Variants in HAUS7 observed in about 807,000 individuals in gnomAD.
HAUS7 encodes HAUS augmin like complex subunit 7.
HAUS7 carries 3 observed loss-of-function variants against 28.4 expected under a neutral mutation model. That is an observed-to-expected ratio of 0.11 (90% CI 0.05 to 0.27). The LOEUF (loss-of-function observed/expected upper bound fraction) is 0.27, where lower values mean the gene tolerates loss of function less well. Ranked by LOEUF, HAUS7 falls within the 10% of genes least tolerant of loss-of-function variation. The pLI is 1.00. For synonymous variants in HAUS7, 165 were observed against 132.1 expected (o/e 1.25, Z -1.71); for missense variants, 284 against 297.3 (o/e 0.96, Z 0.33).
upstream of HAUS7, among the ~76,000 whole-genome samples, chrX:153,473,742 C>A (rs1467812216): frequency 8.9e-6 from 1 of 112,508 alleles, no homozygotes; most frequent in African/African-American, 3.2e-5. Flanking sequence ...AGGCTCTCCG[C>A]AGGCAAGGCA....
intron 9 of HAUS7, among the ~76,000 whole-genome samples, chrX:153,452,111 G>A (rs2089246232): frequency 8.9e-6 from 1 of 112,315 alleles, no homozygotes; most frequent in African/African-American, 3.2e-5. Context: ...CAGAAGCTTT[G>A]GCAGCCAGAG....
intron 1 of HAUS7, 143 bp downstream of exon 1, chrX:153,470,307 C>T (rs2089504566): frequency 1.3e-5 from 7 of 548,302 alleles, no homozygotes; most frequent in Admixed American, 7.2e-5. Flanking sequence ...ACAAGCACCC[C>T]CTGCTGCAAG....
intron 1 of HAUS7, among the ~76,000 whole-genome samples, chrX:153,486,255 C>T (rs782063606): frequency 3.6e-5 from 4 of 112,630 alleles, no homozygotes; most frequent in African/African-American, 9.7e-5. Context: ...CCGCAGAGGC[C>T]GAGGGCAGGA....
intron 8 of HAUS7, chrX:153,455,123 T>G: frequency 1.6e-6 from 1 of 606,255 alleles, no homozygotes; most frequent in South Asian, 2.2e-5. Flanking sequence ...CTGAGCAGGC[T>G]CATGGGCAGA....
chrX:153,470,751 A>G, upstream of HAUS7: 1 of 559,145 alleles, frequency 1.8e-6, no homozygotes, highest in Non-Finnish European at 2.8e-6. Context: ...ACCCAGAGGC[A>G]GGACCACAGT....
intron 9 of HAUS7, among the ~76,000 whole-genome samples, chrX:153,450,433 C>G (rs1182167929): frequency 9.0e-6 from 1 of 111,711 alleles, no homozygotes; most frequent in African/African-American, 3.3e-5. Flanking sequence ...ATCTGCTCAC[C>G]ACTGCCCTGT....
intron 9 of HAUS7, among the ~76,000 whole-genome samples, chrX:153,448,626 G>A (rs995842100): frequency 3.6e-5 from 4 of 111,953 alleles, no homozygotes; most frequent in Admixed American, 9.4e-5. Context: ...CGAGCCTGGC[G>A]CAAGAGGCGA....
chrX:153,482,707 C>T (rs1602956404), intron 1 of HAUS7: 7 of 756,562 alleles, frequency 9.3e-6, no homozygotes, highest in African/African-American at 2.3e-5. Flanking sequence ...CCCCTCTGCC[C>T]GCCTGCAGGG....
intron 1 of HAUS7, chrX:153,482,475 G>A (rs2089606741): frequency 1.2e-5 from 9 of 755,018 alleles, no homozygotes; most frequent in South Asian, 1.3e-4. Context: ...GGCGAGTTCC[G>A]GGGGCAGGGA....
At chrX:153,487,558 C>T (rs2089646908) in intron 1 of HAUS7, among the ~76,000 whole-genome samples, 1 of 112,617 alleles carries the variant, frequency 8.9e-6, no homozygotes, top group African/African-American at 3.2e-5. Context: ...CCCAGGGCCC[C>T]ACCCTCAGCT....
At chrX:153,490,023 A>C (rs2089661927) in intron 1 of HAUS7, among the ~76,000 whole-genome samples, 1 of 112,758 alleles carries the variant, frequency 8.9e-6, no homozygotes, top group East Asian at 2.8e-4. Context: ...TCTGGGCCAA[A>C]GATTGCTCCG....
chrX:153,492,819 C>T (rs953677128), intron 1 of HAUS7, among the ~76,000 whole-genome samples: 11 of 111,454 alleles, frequency 9.9e-5, no homozygotes, highest in Non-Finnish European at 1.9e-4. Flanking sequence ...AGGTAGCCCT[C>T]CCGAGCCTCT....
intron 2 of HAUS7, among the ~76,000 whole-genome samples, chrX:153,465,646 A>T (rs1202309007): frequency 8.9e-6 from 1 of 112,823 alleles, no homozygotes; most frequent in Non-Finnish European, 1.9e-5. Context: ...GGGGCCGCTC[A>T]GAAGCATGTC....
At chrX:153,479,416 C>T in intron 1 of HAUS7, 1 of 745,071 alleles carries the variant, frequency 1.3e-6, no homozygotes, top group Non-Finnish European at 1.6e-6. Flanking sequence ...AGGAAGAAGA[C>T]TGCCGCAGGC....
upstream of HAUS7, among the ~76,000 whole-genome samples, chrX:153,475,033 T>C (rs1360441647): frequency 8.9e-6 from 1 of 112,092 alleles, no homozygotes. Context: ...CGCCTCGCCT[T>C]CTTGCTTTGC....
chrX:153,494,094 C>T (rs1418467489), intron 1 of HAUS7, among the ~76,000 whole-genome samples: 1 of 111,516 alleles, frequency 9.0e-6, no homozygotes, highest in African/African-American at 3.3e-5. Flanking sequence ...GGGGCAGTGT[C>T]GTACTAAGGA....
chrX:153,486,396 A>G (rs1160361081), intron 1 of HAUS7, among the ~76,000 whole-genome samples: 2 of 112,396 alleles, frequency 1.8e-5, no homozygotes, highest in Admixed American at 1.9e-4. Flanking sequence ...GCAGGGCTCC[A>G]GCCTGGAGCG....
intron 1 of HAUS7, chrX:153,482,383 G>A (rs1276200527): frequency 9.3e-6 from 7 of 755,346 alleles, no homozygotes; most frequent in Admixed American, 8.6e-5. Context: ...CCACAGTCCC[G>A]GCCCTACCTG....
In HAUS7 at chrX:153,485,830, G is replaced by A. The variant is rs1223584768; in HGVS notation, c.-589+9544C>T. ...TGGTGCACGTGCCCCGCTTCCTGCC[G>A]CGGGGCCTGAGGCGCCTGACGCTGC... is the stretch of plus-strand genomic sequence containing the variant. On this transcript the variant is annotated intron_variant, in intron 1 of 5. Coordinates refer to the HAUS7 transcript ENST00000370210. The A allele has an allele frequency of 1.3e-5, 12 of 899,406 alleles. No homozygotes were observed. The East Asian group carries it at 3.6e-4, about 27-fold the overall frequency. 74.1% of individuals were successfully genotyped at this position (899,406 alleles called of 1,213,427 possible).
Sources: gnomAD v4.1 joint callset for allele counts (sites outside exome capture counted in the v4.1 genomes callset) on GRCh38, gnomAD v4.1.1 for gene constraint, MANE v1.5 for transcripts, NCBI Gene and HGNC (gene_info 2026-07-23, HGNC 2026-07-21) for gene names.